The following RBFOX1 variants were observed in gnomAD, a reference collection of about 807,000 sequenced individuals.
RBFOX1 encodes the protein RNA binding fox-1 homolog 1.
In RBFOX1, 8 loss-of-function variants were observed where a neutral mutation model predicts 57.7. The observed-to-expected ratio is 0.14, with a 90% CI of 0.08 to 0.25. RBFOX1 has a LOEUF of 0.25. Ranked by LOEUF, RBFOX1 falls within the 10% of genes least tolerant of loss-of-function variation. RBFOX1 has a pLI of 1.00. For synonymous variants in RBFOX1, 326 were observed against 222.4 expected, an observed-to-expected ratio of 1.47 and a Z score of -4.15; for missense variants, 611 against 548.5, an observed-to-expected ratio of 1.11 and a Z score of -1.14.
chr16:5,266,044 TA>T (rs148022979), intron 1 of RBFOX1, among the ~76,000 whole-genome samples: 3 of 150,072 alleles, frequency 2.0e-5, no homozygotes, highest in Admixed American at 6.6e-5. Flanking sequence ...CCAGGCTGAT[TA>T]AAAAAAAAAC....
At position 6,985,832 on chromosome 16, in the gene RBFOX1, TA is replaced by T. The variant is rs565941451; in HGVS notation, c.-15-66210del. Reference sequence around the variant, plus strand: ...CTGGGCCACAGAGCGTGAGTTCATGTAAAAAAAAAAAAAAACAGAATTTTTT... The same window carrying T: ...CTGGGCCACAGAGCGTGAGTTCATGTAAAAAAAAAAAAAACAGAATTTTTT... On this transcript the variant is annotated intron_variant, in intron 3 of 15. Transcript: ENST00000550418. 8.6e-4 allele frequency among the ~76,000 whole-genome samples: 86 copies of T among 99,824 alleles called. 1 individual carries two copies. The highest frequency in any genetic ancestry group is 4.3e-3 in the East Asian group (14 of 3,224). The allele number at this position is 99,824 out of a possible 152,430, so 65.5% of individuals were successfully genotyped here.
intron 1 of RBFOX1, among the ~76,000 whole-genome samples, chr16:5,243,888 A>G (rs1187911099): frequency 6.6e-6 from 1 of 152,108 alleles, no homozygotes; most frequent in Non-Finnish European, 1.5e-5. Context: ...TGCTGGGCAT[A>G]GCATTTATTT....
intron 1 of RBFOX1, among the ~76,000 whole-genome samples, chr16:5,432,058 C>T (rs955893185): frequency 4.6e-5 from 7 of 152,082 alleles, no homozygotes; most frequent in Non-Finnish European, 7.3e-5. Context: ...GTAATAAAGA[C>T]GCCCCTTTTG....
chr16:6,683,381 A>G lies in RBFOX1; in HGVS notation c.-16+28731A>G, dbSNP rs564570328. 2.6e-5 allele frequency among the ~76,000 whole-genome samples: 4 copies of G among 152,246 alleles called. No homozygotes were observed. In the South Asian group the frequency reaches 8.3e-4, roughly 32 times the overall value. ...AGGTGTGATTCATGGAATTGTGGTT[A>G]TGTAGGAGACTGTCTTTATTAGGAG... On this transcript the variant is annotated intron_variant, in intron 3 of 15. Coordinates refer to ENST00000550418, the MANE Select transcript of RBFOX1 (RefSeq NM_018723.4).
At chr16:5,257,977 C>G (rs915289462) in intron 1 of RBFOX1, among the ~76,000 whole-genome samples, 5 of 152,148 alleles carry the variant, frequency 3.3e-5, no homozygotes, top group Non-Finnish European at 7.3e-5. Context: ...CTTCTGGGCT[C>G]AGGTGATCCT....
At chr16:7,359,784 A>T (rs1031589073) in intron 4 of RBFOX1, among the ~76,000 whole-genome samples, 1 of 152,148 alleles carries the variant, frequency 6.6e-6, no homozygotes, top group Admixed American at 6.5e-5. Flanking sequence ...GGAGATCGAG[A>T]CCATCCTGGC....
chr16:6,989,349 T>C (rs921911869), intron 3 of RBFOX1, among the ~76,000 whole-genome samples: 1 of 152,252 alleles, frequency 6.6e-6, no homozygotes, highest in African/African-American at 2.4e-5. Context: ...TGTATCAGTC[T>C]GTCTTTTGAA....
intron 4 of RBFOX1, among the ~76,000 whole-genome samples, chr16:5,964,835 C>G (rs1234904243): frequency 2.0e-5 from 3 of 151,726 alleles, no homozygotes; most frequent in Admixed American, 1.3e-4. Flanking sequence ...CACGTATATA[C>G]ACACACACAA....
intron 3 of RBFOX1, among the ~76,000 whole-genome samples, chr16:6,657,547 T>C (rs2098668072): frequency 6.6e-6 from 1 of 152,078 alleles, no homozygotes; most frequent in South Asian, 2.1e-4. Context: ...TGCACTCTGG[T>C]GCCTCTGCCA....
At chr16:7,377,295 G>C (rs1312821532) in intron 4 of RBFOX1, among the ~76,000 whole-genome samples, 1 of 152,138 alleles carries the variant, frequency 6.6e-6, no homozygotes. Flanking sequence ...GGACACAGGT[G>C]GTCCGTATCA....
intron 1 of RBFOX1, among the ~76,000 whole-genome samples, chr16:6,151,318 C>A (rs1400068642): frequency 1.3e-5 from 2 of 152,148 alleles, no homozygotes; most frequent in African/African-American, 4.8e-5. Context: ...CGGAGTCTCA[C>A]TCTGTCACCC....
rs181387197 is a variant in RBFOX1, at chr16:6,682,957, C to T, written c.-16+28307C>T. Among the ~76,000 whole-genome samples the T allele has an allele frequency of 6.5e-4, 99 of 151,328 alleles. 1 individual carries two copies. The highest frequency in any genetic ancestry group is 2.2e-3 in the African/African-American group (90 of 41,222). On this transcript the variant is annotated intron_variant, in intron 3 of 15. Transcript: ENST00000550418. ...AGGCCAGGCAAGTCACATCAGGCCT[C>T]ATAGGGGTTGACAAGCTGCAGTGTT...
intron 3 of RBFOX1, among the ~76,000 whole-genome samples, chr16:6,907,839 G>T (rs1209280360): frequency 4.0e-5 from 6 of 151,692 alleles, no homozygotes; most frequent in East Asian, 1.9e-4. Context: ...CTCCCAAAGT[G>T]CTGGGATTAC....
chr16:7,190,310 G>C (rs979153840), intron 4 of RBFOX1, among the ~76,000 whole-genome samples: 1 of 152,120 alleles, frequency 6.6e-6, no homozygotes, highest in African/African-American at 2.4e-5. Flanking sequence ...AGTGAGCTGA[G>C]ATCACACCAC....
chr16:7,499,016 C>G (rs1267521096), intron 4 of RBFOX1, among the ~76,000 whole-genome samples: 1 of 152,178 alleles, frequency 6.6e-6, no homozygotes, highest in African/African-American at 2.4e-5. Flanking sequence ...TGACATCACT[C>G]AATACTAGGT....
At chr16:6,026,002 C>T (rs2095185595) in intron 1 of RBFOX1, among the ~76,000 whole-genome samples, 1 of 152,142 alleles carries the variant, frequency 6.6e-6, no homozygotes, top group East Asian at 1.9e-4. Flanking sequence ...CTATGTGTTT[C>T]AGGCATGTGA....
intron 3 of RBFOX1, among the ~76,000 whole-genome samples, chr16:6,855,309 A>T (rs2057633791): frequency 6.6e-6 from 1 of 152,122 alleles, no homozygotes; most frequent in African/African-American, 2.4e-5. Flanking sequence ...GAGATAGCCA[A>T]GAAAAAGCAA....
chr16:6,942,916 C>A (rs576522485), intron 3 of RBFOX1, among the ~76,000 whole-genome samples: 1 of 152,100 alleles, frequency 6.6e-6, no homozygotes, highest in Non-Finnish European at 1.5e-5. Flanking sequence ...GTTGTGGTAC[C>A]GACAGGGCTC....
At chr16:6,313,658 T>G (rs2080679514) in intron 1 of RBFOX1, among the ~76,000 whole-genome samples, 1 of 152,180 alleles carries the variant, frequency 6.6e-6, no homozygotes, top group Non-Finnish European at 1.5e-5. Context: ...TGCCTGACTT[T>G]GTTCCAATGT....
Sources: gnomAD v4.1 joint callset for allele counts (sites outside exome capture counted in the v4.1 genomes callset) on GRCh38, gnomAD v4.1.1 for gene constraint, MANE v1.5 for transcripts, NCBI Gene and HGNC (gene_info 2026-07-23, HGNC 2026-07-21) for gene names.